The following TYR variants were observed in gnomAD, a reference collection of about 807,000 sequenced individuals.
The protein encoded by TYR is tyrosinase.
Under a neutral mutation model 51.5 loss-of-function variants are expected in TYR, and 58 were observed. The ratio of observed to expected loss-of-function variants is 1.13; its 90% CI spans 0.91 to 1.40. The LOEUF (loss-of-function observed/expected upper bound fraction) is 1.40. Among genes scored for constraint, TYR ranks in the 40% most tolerant of loss-of-function variants. The probability of loss-of-function intolerance (pLI) is 0.00; values close to 1 mark genes in which losing one functional copy is unlikely to be tolerated. For missense variants in TYR, 732 were observed against 647.4 expected (o/e 1.13, Z -1.42); for synonymous variants, 263 against 235.2 (o/e 1.12, Z -1.08).
chr11:89,223,392 A>T (rs1426504667), intron 2 of TYR, among the ~76,000 whole-genome samples: 1 of 151,842 alleles, frequency 6.6e-6, no homozygotes, highest in Non-Finnish European at 1.5e-5. Flanking sequence ...AATTATTTCT[A>T]TTTTTTTTCA....
intron 3 of TYR, among the ~76,000 whole-genome samples, chr11:89,281,769 G>T (rs1242419632): frequency 6.6e-6 from 1 of 151,618 alleles, no homozygotes; most frequent in Admixed American, 6.6e-5. Flanking sequence ...TGAAATCAGA[G>T]GTCCCATGCC....
At chr11:89,251,485 A>G (rs1259619223) in intron 3 of TYR, among the ~76,000 whole-genome samples, 1 of 151,920 alleles carries the variant, frequency 6.6e-6, no homozygotes, top group Non-Finnish European at 1.5e-5. Flanking sequence ...TGTCACAACA[A>G]TCTAGAATAA....
intron 2 of TYR, among the ~76,000 whole-genome samples, chr11:89,198,807 A>T (rs1235509420): frequency 6.6e-6 from 1 of 150,570 alleles, no homozygotes; most frequent in Non-Finnish European, 1.5e-5. Context: ...TGTGCACAAC[A>T]TGCAGGTTTG....
chr11:89,294,786 C>T (rs547504210), intron 4 of TYR, among the ~76,000 whole-genome samples: 11 of 152,246 alleles, frequency 7.2e-5, no homozygotes, highest in Admixed American at 1.3e-4. Flanking sequence ...AATGATATAA[C>T]GGTGTTCTAT....
At chr11:89,288,268 T>C (rs1944815345) in intron 4 of TYR, among the ~76,000 whole-genome samples, 1 of 151,986 alleles carries the variant, frequency 6.6e-6, no homozygotes, top group Admixed American at 6.6e-5. Flanking sequence ...TACAGGTAAG[T>C]AAATTGAGAC....
intron 2 of TYR, among the ~76,000 whole-genome samples, chr11:89,218,153 A>T (rs1365077741): frequency 6.6e-6 from 1 of 152,174 alleles, no homozygotes; most frequent in Non-Finnish European, 1.5e-5. Context: ...CATAAGGGTT[A>T]AATTCAAAGC....
At chr11:89,294,270 T>C (rs1290985702) in intron 4 of TYR, 1 of 152,502 alleles carries the variant, frequency 6.6e-6, no homozygotes, top group Non-Finnish European at 1.5e-5. Context: ...TTTAAAATTA[T>C]TTATTATTTT....
chr11:89,219,680 A>G lies in TYR; in HGVS notation c.1037-8143A>G, dbSNP rs1266970499. ...AGTAAAAAAATTAAATTTGATAAGAACAAAAATTGGCCATAAGTATGTGGG... is the reference window on the plus strand; with the variant it reads ...AGTAAAAAAATTAAATTTGATAAGAGCAAAAATTGGCCATAAGTATGTGGG... On this transcript the variant is annotated intron_variant, in intron 2 of 4. Coordinates refer to ENST00000263321, the MANE Select transcript of TYR (RefSeq NM_000372.5). 2.6e-5 allele frequency among the ~76,000 whole-genome samples: 4 copies of G among 152,286 alleles called. No homozygotes were observed. In the East Asian group the frequency reaches 7.7e-4, roughly 29 times the overall value.
At chr11:89,236,603 GAA>G (rs1944117637) in intron 3 of TYR, among the ~76,000 whole-genome samples, 10 of 152,176 alleles carry the variant, frequency 6.6e-5, no homozygotes, top group Admixed American at 6.5e-4. Context: ...GGTTACCACA[GAA>G]TATTGTGTGG....
At chr11:89,232,329 A>T (rs1260095570) in intron 3 of TYR, among the ~76,000 whole-genome samples, 1 of 143,426 alleles carries the variant, frequency 7.0e-6, no homozygotes, top group East Asian at 2.0e-4. Flanking sequence ...GGTGTATTGG[A>T]CAAAGAAAAT....
At chr11:89,185,962 A>C (rs1943367061) in intron 1 of TYR, among the ~76,000 whole-genome samples, 1 of 152,190 alleles carries the variant, frequency 6.6e-6, no homozygotes, top group African/African-American at 2.4e-5. Flanking sequence ...TTTTACATTC[A>C]GAGTCAGCCC....
At chr11:89,224,343 C>T (rs1018539163) in intron 2 of TYR, among the ~76,000 whole-genome samples, 2 of 152,080 alleles carry the variant, frequency 1.3e-5, no homozygotes, top group African/African-American at 2.4e-5. Context: ...GATAAGTGGA[C>T]ATTATTTACT....
intron 2 of TYR, among the ~76,000 whole-genome samples, chr11:89,202,274 G>A (rs867516889): frequency 6.6e-6 from 1 of 152,064 alleles, no homozygotes; most frequent in South Asian, 2.1e-4. Flanking sequence ...GGCTGTTGAG[G>A]TTGTCTACAG....
At position 89,178,085 on chromosome 11, in the gene TYR, T is replaced by A. The variant is rs755700581; in HGVS notation, c.132T>A (p.Ser44Arg). The A allele has an allele frequency of 3.1e-6, 5 of 1,614,060 alleles. No individual in the cohort carries two copies. The Admixed American group carries it at 8.3e-5, about 27-fold the overall frequency. The stretch of plus-strand genomic sequence containing the variant: ...GTCCACCGTGGAGCGGGGACAGGAG[T>A]CCCTGTGGCCAGCTTTCAGGCAGAG... ...ECCPPWSGDR[S>R]PCGQLSGRGS... Residue 44 changes from serine to arginine, a missense_variant, in exon 1 of 5, where the codon AGT (serine) becomes AGA (arginine). Physicochemically the swap from Ser to Arg is moderately radical, Grantham distance 110 (BLOSUM62 -1). Coordinates refer to ENST00000263321, the MANE Select transcript of TYR (RefSeq NM_000372.5).
intron 4 of TYR, among the ~76,000 whole-genome samples, chr11:89,289,225 G>A (rs1433838099): frequency 6.6e-6 from 1 of 152,010 alleles, no homozygotes; most frequent in Non-Finnish European, 1.5e-5. Flanking sequence ...AAAAGACCTG[G>A]AAATTTGGTT....
At chr11:89,179,527 A>G (rs1034300309) in intron 1 of TYR, among the ~76,000 whole-genome samples, 6 of 151,592 alleles carry the variant, frequency 4.0e-5, no homozygotes, top group Non-Finnish European at 5.9e-5. Context: ...GGTAACTTGT[A>G]TAAGATCATA....
chr11:89,267,316 C>T (rs1191306193), intron 3 of TYR, among the ~76,000 whole-genome samples: 2 of 151,860 alleles, frequency 1.3e-5, no homozygotes, highest in Non-Finnish European at 2.9e-5. Context: ...CTTGAATACA[C>T]CTTTCTCCAT....
intron 1 of TYR, 71 bp downstream of exon 1, chr11:89,178,843 A>G: frequency 6.6e-7 from 1 of 1,512,226 alleles, no homozygotes; most frequent in Middle Eastern, 1.7e-4. Context: ...GGCAGGGTAT[A>G]AACTTCTCAC....
chr11:89,239,191 T>C (rs1276983231), intron 3 of TYR, among the ~76,000 whole-genome samples: 1 of 152,176 alleles, frequency 6.6e-6, no homozygotes, highest in African/African-American at 2.4e-5. Flanking sequence ...AACTTATCTC[T>C]GAAGCCATCA....
Sources: gnomAD v4.1 joint callset for allele counts (sites outside exome capture counted in the v4.1 genomes callset) on GRCh38, gnomAD v4.1.1 for gene constraint, MANE v1.5 for transcripts, NCBI Gene and HGNC (gene_info 2026-07-23, HGNC 2026-07-21) for gene names.